ROR1: variants seen among roughly 807,000 people sequenced by gnomAD.
ROR1 encodes the protein inactive tyrosine-protein kinase transmembrane receptor ROR1.
In ROR1, 19 loss-of-function variants were observed where a neutral mutation model predicts 78.8. The ratio of observed to expected loss-of-function variants is 0.24; its 90% CI spans 0.17 to 0.35. The LOEUF is 0.35. ROR1 is among the 10% of genes least tolerant of loss of function. ROR1 has a pLI of 1.00. For synonymous variants in ROR1, 386 were observed against 433.6 expected, an observed-to-expected ratio of 0.89 and a Z score of 1.36; for missense variants, 917 against 1,177.8, an observed-to-expected ratio of 0.78 and a Z score of 3.24.
intron 2 of ROR1, 104 bp from the exon 3 acceptor site, chr1:64,049,587 T>C: frequency 1.0e-6 from 1 of 997,738 alleles, no homozygotes; most frequent in Non-Finnish European, 1.5e-6. Flanking sequence ...CCTCTCCTGC[T>C]CAGCCTCTCT....
chr1:64,013,759 A>G (rs1294231647), intron 2 of ROR1, among the ~76,000 whole-genome samples: 3 of 152,220 alleles, frequency 2.0e-5, no homozygotes, highest in Non-Finnish European at 4.4e-5. Context: ...GCCTATGTCT[A>G]TCTTGATCAG....
rs35110436 is a variant in ROR1, at chr1:64,034,183, ATTTT to A, written c.164-15496_164-15493del. Among the ~76,000 whole-genome samples the A allele has an allele frequency of 1.7e-4, 24 of 144,122 alleles. 1 individual carries two copies. Among genetic ancestry groups the A allele is most frequent in the African/African-American group, 4.9e-4 (19 of 38,846 alleles). The allele number at this position is 144,122 out of a possible 152,430, so 94.5% of individuals were successfully genotyped here. A position where few individuals can be genotyped will look rare whatever the true frequency, so the allele number is the denominator to read the frequency against. On this transcript the variant is annotated intron_variant, in intron 2 of 8. Transcript: ENST00000371079. ...ATGTTCATGCACAATTTGCTTTTTC[ATTTT>A]TTTTTTTTTTTATTATCCTGAGACT...
Position 64,108,395 on chromosome 1 carries a change from T to TAAAAAAAA in ROR1, c.483-28943_483-28936dup, listed in dbSNP as rs556497678. On this transcript the variant is annotated intron_variant, in intron 4 of 8. Transcript: ENST00000371079. ...ATGGGCGACAGAGTGAGACTCCATC[T>TAAAAAAAA]AAAAAAAAAAAAAAAAAAAAAAAAA... 11 of 48,294 alleles carry TAAAAAAAA rather than the reference T, an allele frequency of 2.3e-4. 2 individuals are homozygous for TAAAAAAAA. The highest frequency in any genetic ancestry group is 6.4e-4 in the African/African-American group (8 of 12,576). The allele number at this position is 48,294 out of a possible 1,614,324, so 3.0% of individuals were successfully genotyped here.
At chr1:63,858,557 T>TA (rs1315979337) in intron 1 of ROR1, among the ~76,000 whole-genome samples, 1 of 152,258 alleles carries the variant, frequency 6.6e-6, no homozygotes. Context: ...ACTTTTTGCT[T>TA]AAAGTGTAAA....
intron 4 of ROR1, among the ~76,000 whole-genome samples, chr1:64,120,333 A>C (rs1325313433): frequency 6.6e-6 from 1 of 152,132 alleles, no homozygotes; most frequent in Non-Finnish European, 1.5e-5. Context: ...GGGGAGCCTA[A>C]AGCAGCATTG....
At chr1:64,012,314 C>A (rs2100546287) in intron 2 of ROR1, among the ~76,000 whole-genome samples, 1 of 152,256 alleles carries the variant, frequency 6.6e-6, no homozygotes, top group Middle Eastern at 3.4e-3. Context: ...ATACAGAAAT[C>A]TATGAAGCAC....
At chr1:63,876,790 A>G (rs929315353) in intron 1 of ROR1, among the ~76,000 whole-genome samples, 1 of 151,706 alleles carries the variant, frequency 6.6e-6, no homozygotes, top group Non-Finnish European at 1.5e-5. Flanking sequence ...CTATACAGCA[A>G]TGAGGTTGCA....
At chr1:64,088,232 T>C (rs1647168733) in intron 4 of ROR1, among the ~76,000 whole-genome samples, 2 of 152,202 alleles carry the variant, frequency 1.3e-5, no homozygotes, top group African/African-American at 4.8e-5. Flanking sequence ...TCTATAATTA[T>C]ACACCTTCTC....
At chr1:64,013,022 G>T (rs985359779) in intron 2 of ROR1, among the ~76,000 whole-genome samples, 3 of 152,108 alleles carry the variant, frequency 2.0e-5, no homozygotes, top group African/African-American at 7.2e-5. Flanking sequence ...TGCGTTTCCT[G>T]TGTGACTTTT....
chr1:64,137,909 A>G (rs750147541), intron 5 of ROR1, among the ~76,000 whole-genome samples: 4 of 152,224 alleles, frequency 2.6e-5, no homozygotes, highest in Non-Finnish European at 5.9e-5. Flanking sequence ...CACTCATCCC[A>G]GAACTATTAT....
intron 1 of ROR1, among the ~76,000 whole-genome samples, chr1:63,884,751 G>A (rs1040024160): frequency 2.0e-5 from 3 of 152,064 alleles, no homozygotes; most frequent in African/African-American, 7.2e-5. Context: ...AACTCAATGT[G>A]GAAAGTGCTG....
intron 1 of ROR1, among the ~76,000 whole-genome samples, chr1:63,808,704 A>G (rs1644843376): frequency 6.6e-6 from 1 of 152,154 alleles, no homozygotes; most frequent in Admixed American, 6.5e-5. Context: ...GGCTGCAAGG[A>G]GGCTGTGGAT....
chr1:63,818,800 T>C (rs553404175), intron 1 of ROR1, among the ~76,000 whole-genome samples: 1 of 152,328 alleles, frequency 6.6e-6, no homozygotes, highest in South Asian at 2.1e-4. Context: ...GACTGCTTAG[T>C]AACCTTATCT....
intron 1 of ROR1, among the ~76,000 whole-genome samples, chr1:63,907,777 G>C (rs1645540335): frequency 6.6e-6 from 1 of 152,148 alleles, no homozygotes; most frequent in Non-Finnish European, 1.5e-5. Flanking sequence ...TTAATCATTT[G>C]AAAGGTGAAA....
intron 4 of ROR1, among the ~76,000 whole-genome samples, chr1:64,090,800 A>T (rs1647189468): frequency 6.6e-6 from 1 of 152,196 alleles, no homozygotes; most frequent in African/African-American, 2.4e-5. Flanking sequence ...GTTTACCAGC[A>T]TTACTAAAGT....
rs557834484 is a variant in ROR1, at chr1:63,931,797, C to A, written c.92-77508C>A. ...CTCTTATTTTATTTAATAATGGCCT[C>A]AAAGTGCAAGAGTAGTGATGCTGGC... On this transcript the variant is annotated intron_variant, in intron 1 of 8. Transcript: ENST00000371079. Among the ~76,000 whole-genome samples the A allele has an allele frequency of 2.8e-4, 42 of 152,266 alleles. 1 individual carries two copies. Among genetic ancestry groups the A allele is most frequent in the Admixed American group, 2.1e-3 (32 of 15,288 alleles).
intron 1 of ROR1, among the ~76,000 whole-genome samples, chr1:63,832,171 G>T (rs1459055424): frequency 1.3e-5 from 2 of 152,044 alleles, no homozygotes; most frequent in Admixed American, 6.5e-5. Flanking sequence ...AAGTCTCTAG[G>T]AAGTTCCAAA....
intron 1 of ROR1, among the ~76,000 whole-genome samples, chr1:63,812,044 G>A (rs1209290248): frequency 7.1e-6 from 1 of 141,484 alleles, no homozygotes; most frequent in Non-Finnish European, 1.5e-5. Context: ...CACTGCAACC[G>A]CCACCTCCCG....
At chr1:63,844,149 G>T (rs1645066262) in intron 1 of ROR1, among the ~76,000 whole-genome samples, 1 of 152,156 alleles carries the variant, frequency 6.6e-6, no homozygotes, top group Admixed American at 6.5e-5. Flanking sequence ...TCATGGGTTG[G>T]TGAGGAATTA....
Sources: allele counts gnomAD v4.1 joint callset (sites outside exome capture counted in the v4.1 genomes callset), GRCh38; gene constraint gnomAD v4.1.1; transcripts MANE v1.5; gene names NCBI Gene and HGNC (gene_info 2026-07-23, HGNC 2026-07-21).